Variants in UBN2 observed in about 807,000 individuals in gnomAD.
UBN2 encodes the protein ubinuclein 2.
A neutral mutation model predicts 120.2 loss-of-function variants in UBN2; 35 were observed. That is an observed-to-expected ratio of 0.29 (90% CI 0.22 to 0.39). The LOEUF is 0.39. Ranked by LOEUF, UBN2 falls within the 10% of genes least tolerant of loss-of-function variation. The pLI is 1.00. For missense variants in UBN2, 1,693 were observed against 1,663.2 expected (o/e 1.02, Z -0.31); for synonymous variants, 661 against 648.7 (o/e 1.02, Z -0.29).
chr7:139,293,739 C>A (rs1183436735), intron 16 of UBN2, 150 bp from the exon 17 acceptor site: 1 of 705,256 alleles, frequency 1.4e-6, no homozygotes, highest in Non-Finnish European at 2.4e-6. Context: ...CATACATTAA[C>A]ATAAGTAAAT....
rs1354245012 is a variant in UBN2 at position 139,300,557 on chromosome 7, A to AT, written c.*2727dup. Reference sequence around the variant, plus strand: ...TTGCACTTAAAAATCAAATTATGTTATTTTTTAAAATGGTGAGTCATTGGA... The same window carrying AT: ...TTGCACTTAAAAATCAAATTATGTTATTTTTTTAAAATGGTGAGTCATTGGA... On this transcript the variant is annotated 3_prime_UTR_variant, in exon 18 of 18. Coordinates refer to ENST00000473989, the MANE Select transcript of UBN2 (RefSeq NM_173569.4). 1 of 152,166 alleles carries AT rather than the reference A, an allele frequency of 6.6e-6. No individual in the cohort carries two copies. Among genetic ancestry groups the AT allele is most frequent in the East Asian group, 1.9e-4 (1 of 5,198 alleles). The allele number at this position is 152,166 out of a possible 1,614,324, so 9.4% of individuals were successfully genotyped here. A position where few individuals can be genotyped will look rare whatever the true frequency, so the allele number is the denominator to read the frequency against.
chr7:139,238,754 G>C (rs781021117), intron 2 of UBN2, among the ~76,000 whole-genome samples: 1 of 152,096 alleles, frequency 6.6e-6, no homozygotes, highest in Non-Finnish European at 1.5e-5. Context: ...TAAATTGAGA[G>C]GTTCAGATTT....
Position 139,261,289 on chromosome 7 carries a change from A to G in UBN2, c.943A>G (p.Lys315Glu). Residue 315 changes from lysine to glutamate, a missense_variant, in exon 6 of 18, where the codon AAG becomes GAG. Lys to Glu is a moderately conservative substitution (Grantham distance 56). This residue lies in a region of UBN2 where 663 missense variants were observed against 591.2 expected (regional missense o/e 1.12). Coordinates refer to ENST00000473989, the MANE Select transcript of UBN2 (RefSeq NM_173569.4). ...AAATTCACACAAGTCTGAAAAAAAGAAGAAACGTTATAAAGATTCTCTTTC... is the reference window on the plus strand; with the variant it reads ...AAATTCACACAAGTCTGAAAAAAAGGAGAAACGTTATAAAGATTCTCTTTC... Reference protein sequence around the residue: ...ALNSHKSEKKKKRYKDSLSLA... With the variant: ...ALNSHKSEKKEKRYKDSLSLA... 6.2e-7 allele frequency: 1 copy of G among 1,610,334 alleles called. No individual in the cohort carries two copies. Among genetic ancestry groups the G allele is most frequent in the Non-Finnish European group, 8.5e-7 (1 of 1,179,032 alleles).
intron 3 of UBN2, among the ~76,000 whole-genome samples, chr7:139,256,831 C>T (rs1796778586): frequency 1.3e-5 from 2 of 151,996 alleles, no homozygotes; most frequent in Admixed American, 1.3e-4. Context: ...TTTTCTTTTA[C>T]CTTTCTTCAA....
chr7:139,251,029 G>A (rs1796610696), intron 2 of UBN2, among the ~76,000 whole-genome samples: 5 of 151,986 alleles, frequency 3.3e-5, no homozygotes, highest in Admixed American at 2.6e-4. Context: ...ACTTGAGCCC[G>A]GGAGGTTGAG....
Position 139,306,626 on chromosome 7 carries a change from G to A in UBN2, c.*8790G>A, listed in dbSNP as rs1798363821. On this transcript the variant is annotated 3_prime_UTR_variant, in exon 18 of 18. Coordinates refer to ENST00000473989, the MANE Select transcript of UBN2 (RefSeq NM_173569.4). The stretch of plus-strand genomic sequence containing the variant: ...TCCTGTGATCCATGGCAAGCCTCCA[G>A]AGAAAAGATTCAAGCTTTGCACTGC... The A allele has an allele frequency of 1.3e-5, 2 of 152,186 alleles. No homozygotes were observed. 9.4% of individuals were successfully genotyped at this position (152,186 alleles called of 1,614,324 possible).
chr7:139,238,253 C>T (rs1039818885), intron 2 of UBN2, among the ~76,000 whole-genome samples: 1 of 152,088 alleles, frequency 6.6e-6, no homozygotes, highest in Admixed American at 6.6e-5. Context: ...CCTCAAGATA[C>T]AACAGGGATC....
At chr7:139,293,789 CAG>C in intron 16 of UBN2, 98 bp from the exon 17 acceptor site, 1 of 1,100,980 alleles carries the variant, frequency 9.1e-7, no homozygotes, top group African/African-American at 1.6e-5. Flanking sequence ...CCTTCGAAGT[CAG>C]GTGCTGTGCC....
At position 139,304,409 on chromosome 7, in the gene UBN2, A is replaced by G. The variant is rs1798321570; in HGVS notation, c.*6573A>G. The G allele has an allele frequency of 6.6e-6, 1 of 152,326 alleles. No individual in the cohort carries two copies. Among genetic ancestry groups the G allele is most frequent in the Non-Finnish European group, 1.5e-5 (1 of 68,032 alleles). The allele number at this position is 152,326 out of a possible 1,614,324, so 9.4% of individuals were successfully genotyped here. On this transcript the variant is annotated 3_prime_UTR_variant, in exon 18 of 18. Coordinates refer to ENST00000473989, the MANE Select transcript of UBN2 (RefSeq NM_173569.4). ...ATTTTATCCCACCTTCCATCCCTGT[A>G]TATTAAGTAGTACTACTACATAGAA...
At chr7:139,280,435 A>G (rs1266923521) in intron 13 of UBN2, among the ~76,000 whole-genome samples, 4 of 152,202 alleles carry the variant, frequency 2.6e-5, no homozygotes, top group African/African-American at 9.7e-5. Flanking sequence ...TGAAATTAAA[A>G]TTTTAATGAA....
At chr7:139,272,493 G>GTTAT (rs2131009605) in intron 9 of UBN2, 53 bp downstream of exon 9, 1 of 1,182,812 alleles carries the variant, frequency 8.5e-7, no homozygotes, top group Non-Finnish European at 1.2e-6. Flanking sequence ...GTGTATGTAC[G>GTTAT]TTATGTATGT....
At chr7:139,309,591 C>A (rs190314055), downstream of UBN2, among the ~76,000 whole-genome samples, 153 of 152,184 alleles carry the variant, frequency 1.0e-3, no homozygotes, top group Admixed American at 0.01. Flanking sequence ...GCATGGGTCA[C>A]TTTTTTCATG....
Position 139,290,888 on chromosome 7 carries a change from T to G in UBN2, c.3670-2344T>G, listed in dbSNP as rs189042671. 5.9e-5 allele frequency among the ~76,000 whole-genome samples: 9 copies of G among 152,290 alleles called. No homozygotes were observed. In the East Asian group the frequency reaches 7.7e-4, roughly 13 times the overall value. ...ATGTGGCATGTGTGTGTGGAAAGATTGTCTGCATTTTTCTTATACATTAAC... is the reference window on the plus strand; with the variant it reads ...ATGTGGCATGTGTGTGTGGAAAGATGGTCTGCATTTTTCTTATACATTAAC... On this transcript the variant is annotated intron_variant, in intron 15 of 17. Coordinates refer to ENST00000473989, the MANE Select transcript of UBN2 (RefSeq NM_173569.4).
the UBN2 span, among the ~76,000 whole-genome samples, chr7:139,319,620 C>T: frequency 6.6e-6 from 1 of 152,220 alleles, no homozygotes; most frequent in Admixed American, 6.5e-5. Context: ...AAAATTCCAG[C>T]CTCTAGGCCA....
chr7:139,303,466 T>C lies in UBN2; in HGVS notation c.*5630T>C, dbSNP rs984833274. On this transcript the variant is annotated 3_prime_UTR_variant, in exon 18 of 18. Coordinates refer to ENST00000473989, the MANE Select transcript of UBN2 (RefSeq NM_173569.4). ...GAGAAAGCAGAAGCTCCTGGTAGTG[T>C]TACCTGATAGCAGAACTTACCAGGC... 3 of 152,172 alleles carry C rather than the reference T, an allele frequency of 2.0e-5. No individual in the cohort carries two copies. The highest frequency in any genetic ancestry group is 7.2e-5 in the African/African-American group (3 of 41,440). 9.4% of individuals were successfully genotyped at this position (152,172 alleles called of 1,614,324 possible).
At chr7:139,237,508 C>T (rs1394330051) in intron 2 of UBN2, among the ~76,000 whole-genome samples, 1 of 152,100 alleles carries the variant, frequency 6.6e-6, no homozygotes, top group Non-Finnish European at 1.5e-5. Flanking sequence ...GTTGGCCAGG[C>T]TGGTCGTGAA....
intron 1 of UBN2, among the ~76,000 whole-genome samples, chr7:139,233,478 T>C (rs751901763): frequency 2.0e-5 from 3 of 152,204 alleles, no homozygotes; most frequent in Non-Finnish European, 4.4e-5. Flanking sequence ...TACTGGTTCT[T>C]ACTGTGTGCT....
At chr7:139,282,742 A>G (rs1797651248) in intron 14 of UBN2, among the ~76,000 whole-genome samples, 1 of 152,200 alleles carries the variant, frequency 6.6e-6, no homozygotes, top group Non-Finnish European at 1.5e-5. Flanking sequence ...GATCTAATGC[A>G]GGTGGGGGAG....
intron 6 of UBN2, among the ~76,000 whole-genome samples, chr7:139,262,906 G>A (rs932477460): frequency 1.3e-5 from 2 of 152,088 alleles, no homozygotes; most frequent in Non-Finnish European, 2.9e-5. Context: ...TGCTAATGAT[G>A]TAATTCAGGT....
Sources: gnomAD v4.1 joint callset for allele counts (sites outside exome capture counted in the v4.1 genomes callset) on GRCh38, gnomAD v4.1.1 for gene constraint, gnomAD v4.1.1 regional missense constraint, MANE v1.5 for transcripts, NCBI Gene and HGNC (gene_info 2026-07-23, HGNC 2026-07-21) for gene names.